The following KCNH1 variants were observed in gnomAD, a reference collection of about 807,000 sequenced individuals.
KCNH1 encodes voltage-gated delayed rectifier potassium channel KCNH1.
In KCNH1, 27 loss-of-function variants were observed where a neutral mutation model predicts 69.2. The observed-to-expected ratio is 0.39, with a 90% CI of 0.29 to 0.54. The LOEUF (loss-of-function observed/expected upper bound fraction) is 0.54, where lower values mean the gene tolerates loss of function less well. Among genes scored for constraint, KCNH1 ranks in the 20% least tolerant of loss-of-function variants. The probability of loss-of-function intolerance (pLI) is 0.68; values close to 1 mark genes in which losing one functional copy is unlikely to be tolerated. For synonymous variants in KCNH1, 456 were observed against 487.7 expected (o/e 0.93, Z 0.86); for missense variants, 798 against 1,261.6 (o/e 0.63, Z 5.57).
chr1:210,845,034 G>C (rs1396141748), intron 7 of KCNH1, among the ~76,000 whole-genome samples: 2 of 152,140 alleles, frequency 1.3e-5, no homozygotes, highest in African/African-American at 4.8e-5. Context: ...CCAGGAAGAA[G>C]TTGAATCTCT....
chr1:210,868,623 T>C (rs1407812611), intron 7 of KCNH1, among the ~76,000 whole-genome samples: 1 of 152,100 alleles, frequency 6.6e-6, no homozygotes, highest in African/African-American at 2.4e-5. Context: ...AACCATTTGT[T>C]GAAAGCCTAT....
intron 10 of KCNH1, among the ~76,000 whole-genome samples, chr1:210,758,833 C>T (rs11119592): frequency 0.14 from 20,992 of 152,120 alleles, 1,519 homozygotes; most frequent in Non-Finnish European, 0.16. Flanking sequence ...TGAAGGCAAA[C>T]GCACACTGGG....
At chr1:210,866,788 AAAACTTGT>A (rs1686119119) in intron 7 of KCNH1, among the ~76,000 whole-genome samples, 1 of 152,140 alleles carries the variant, frequency 6.6e-6, no homozygotes, top group Admixed American at 6.6e-5. Flanking sequence ...TGTCCATATG[AAAACTTGT>A]ACATGAATGC....
At chr1:210,857,988 T>C (rs1279099101) in intron 7 of KCNH1, 1 of 152,166 alleles carries the variant, frequency 6.6e-6, no homozygotes, top group Non-Finnish European at 1.5e-5. Flanking sequence ...TGGGTGAGTG[T>C]TAAATTTCAA....
At chr1:210,724,935 A>G (rs1682553493) in intron 10 of KCNH1, among the ~76,000 whole-genome samples, 1 of 152,098 alleles carries the variant, frequency 6.6e-6, no homozygotes, top group African/African-American at 2.4e-5. Flanking sequence ...CATCTCCCTG[A>G]CTTCTCCTGT....
At chr1:210,895,647 C>T (rs1236087940) in intron 7 of KCNH1, among the ~76,000 whole-genome samples, 2 of 152,042 alleles carry the variant, frequency 1.3e-5, no homozygotes, top group Admixed American at 1.3e-4. Flanking sequence ...CCCACACATA[C>T]CCATTACCAA....
intron 7 of KCNH1, among the ~76,000 whole-genome samples, chr1:210,869,523 G>GTT (rs1686191065): frequency 7.8e-6 from 1 of 127,452 alleles, no homozygotes; most frequent in Non-Finnish European, 1.7e-5. Flanking sequence ...GTGTGTGTGT[G>GTT]TGTGCTTTTA....
At chr1:210,721,782 A>G (rs1174903565) in intron 10 of KCNH1, among the ~76,000 whole-genome samples, 1 of 151,356 alleles carries the variant, frequency 6.6e-6, no homozygotes, top group Non-Finnish European at 1.5e-5. Context: ...CATGTACCCT[A>G]AAACTTAAAG....
chr1:210,846,528 T>C (rs927746301), intron 7 of KCNH1, among the ~76,000 whole-genome samples: 2 of 152,188 alleles, frequency 1.3e-5, no homozygotes, highest in African/African-American at 4.8e-5. Context: ...GCTAGCCATA[T>C]GTAGAAAGCT....
chr1:210,724,182 T>C (rs1682537785), intron 10 of KCNH1, among the ~76,000 whole-genome samples: 1 of 152,254 alleles, frequency 6.6e-6, no homozygotes, highest in Admixed American at 6.5e-5. Context: ...CCAGTAACTT[T>C]TCCAAAGTGA....
chr1:211,019,263 A>G lies in KCNH1; in HGVS notation c.559-7T>C. On this transcript the variant is annotated splice_polypyrimidine_tract_variant and splice_region_variant and intron_variant, in intron 5 of 10. Coordinates refer to ENST00000271751, the MANE Select transcript of KCNH1 (RefSeq NM_172362.3). Reference sequence around the variant, plus strand: ...CTGAGCCCAGCTGTAGGACCTGTACAGAAAAACATGACCAAGAGAGAACTA... The same window carrying G: ...CTGAGCCCAGCTGTAGGACCTGTACGGAAAAACATGACCAAGAGAGAACTA... The G allele has an allele frequency of 1.3e-6, 2 of 1,569,180 alleles. No homozygotes were observed. The highest frequency in any genetic ancestry group is 8.7e-7 in the Non-Finnish European group (1 of 1,155,870).
intron 5 of KCNH1, among the ~76,000 whole-genome samples, chr1:211,043,334 C>G (rs1238576865): frequency 6.6e-6 from 1 of 152,124 alleles, no homozygotes; most frequent in Non-Finnish European, 1.5e-5. Context: ...CACCTTTACA[C>G]ACATAAACTA....
At chr1:210,775,006 A>T (rs1260659223) in intron 10 of KCNH1, among the ~76,000 whole-genome samples, 3 of 152,170 alleles carry the variant, frequency 2.0e-5, no homozygotes, top group African/African-American at 7.2e-5. Flanking sequence ...AAATGGCCCC[A>T]CAGAGCCATG....
chr1:210,719,457 ACAC>A (rs1399969570), intron 10 of KCNH1, among the ~76,000 whole-genome samples: 2 of 152,176 alleles, frequency 1.3e-5, no homozygotes, highest in Non-Finnish European at 2.9e-5. Flanking sequence ...AGAAAACCAA[ACAC>A]CACATGTTCT....
intron 10 of KCNH1, among the ~76,000 whole-genome samples, chr1:210,713,716 C>T (rs1682138492): frequency 6.6e-6 from 1 of 152,164 alleles, no homozygotes; most frequent in South Asian, 2.1e-4. Context: ...AGTCCTTACA[C>T]TTCACAGCCC....
intron 7 of KCNH1, among the ~76,000 whole-genome samples, chr1:210,855,995 T>C (rs1436141696): frequency 6.6e-6 from 1 of 152,194 alleles, no homozygotes; most frequent in Non-Finnish European, 1.5e-5. Flanking sequence ...ATGCAGGCAT[T>C]CTGGAGTCAT....
At chr1:210,842,217 C>T (rs1328891089) in intron 7 of KCNH1, among the ~76,000 whole-genome samples, 1 of 152,098 alleles carries the variant, frequency 6.6e-6, no homozygotes. Context: ...TGGAAGCTCA[C>T]CCACAATCAC....
At chr1:210,789,958 G>A (rs946432875) in intron 9 of KCNH1, among the ~76,000 whole-genome samples, 4 of 152,170 alleles carry the variant, frequency 2.6e-5, no homozygotes, top group African/African-American at 9.7e-5. Context: ...CTGGAGTGCA[G>A]TAGCTATTCA....
intron 3 of KCNH1, among the ~76,000 whole-genome samples, chr1:211,090,996 A>G (rs148604837): frequency 6.6e-6 from 1 of 152,336 alleles, no homozygotes; most frequent in East Asian, 1.9e-4. Context: ...AAACTTAGGT[A>G]CAAAGACCTA....
Sources: allele counts gnomAD v4.1 joint callset (sites outside exome capture counted in the v4.1 genomes callset), GRCh38; gene constraint gnomAD v4.1.1; transcripts MANE v1.5; gene names NCBI Gene and HGNC (gene_info 2026-07-23, HGNC 2026-07-21).